The following KSR2 variants were observed in gnomAD, a reference collection of about 807,000 sequenced individuals.
KSR2 encodes kinase suppressor of ras 2.
Under a neutral mutation model 107.8 loss-of-function variants are expected in KSR2, and 25 were observed. The ratio of observed to expected loss-of-function variants is 0.23; its 90% CI spans 0.17 to 0.32. KSR2 has a LOEUF of 0.32. Among genes scored for constraint, KSR2 ranks in the 10% least tolerant of loss-of-function variants. The pLI is 1.00. For synonymous variants in KSR2, 480 were observed against 507.0 expected (o/e 0.95, Z 0.71); for missense variants, 887 against 1,268.9 (o/e 0.70, Z 4.57).
At chr12:117,679,662 A>G (rs2136529950) in intron 4 of KSR2, among the ~76,000 whole-genome samples, 1 of 152,328 alleles carries the variant, frequency 6.6e-6, no homozygotes, top group Non-Finnish European at 1.5e-5. Flanking sequence ...AGACTGGGTT[A>G]TCCATGCTGT....
chr12:117,861,502 C>A (rs940281193), intron 1 of KSR2, among the ~76,000 whole-genome samples: 5 of 150,666 alleles, frequency 3.3e-5, no homozygotes, highest in Non-Finnish European at 7.4e-5. Context: ...CATTCTCCTG[C>A]CTCAGCCTCC....
intron 16 of KSR2, among the ~76,000 whole-genome samples, chr12:117,478,985 T>G (rs1229307899): frequency 6.6e-6 from 1 of 152,214 alleles, no homozygotes; most frequent in Non-Finnish European, 1.5e-5. Flanking sequence ...CCACATCAAC[T>G]TGCAGATCAC....
intron 1 of KSR2, among the ~76,000 whole-genome samples, chr12:117,896,458 ATTTTT>A (rs1159176481): frequency 7.4e-6 from 1 of 135,652 alleles, no homozygotes. Flanking sequence ...TTCGCACAAC[ATTTTT>A]TTTTTTTTTT....
intron 5 of KSR2, among the ~76,000 whole-genome samples, chr12:117,597,457 G>A (rs1287531770): frequency 3.3e-5 from 5 of 152,188 alleles, no homozygotes; most frequent in Admixed American, 1.3e-4. Flanking sequence ...CCTTATGAAA[G>A]AGAGGCAAGA....
At chr12:117,916,797 T>G (rs908350857) in intron 1 of KSR2, among the ~76,000 whole-genome samples, 2 of 152,230 alleles carry the variant, frequency 1.3e-5, no homozygotes, top group African/African-American at 2.4e-5. Context: ...CATTCAAGTT[T>G]CAACGCACCA....
chr12:117,537,330 C>A (rs531652773), intron 10 of KSR2, among the ~76,000 whole-genome samples: 145 of 152,274 alleles, frequency 9.5e-4, no homozygotes, highest in African/African-American at 3.3e-3. Flanking sequence ...TTTCATTCTA[C>A]AATTCTGTCT....
At chr12:117,520,751 C>T (rs373709826) in intron 14 of KSR2, among the ~76,000 whole-genome samples, 5 of 152,214 alleles carry the variant, frequency 3.3e-5, no homozygotes, top group Admixed American at 6.5e-5. Context: ...AGCCCTCCAA[C>T]GGCTGCTCAC....
intron 3 of KSR2, among the ~76,000 whole-genome samples, chr12:117,823,651 A>C (rs1024945707): frequency 4.3e-4 from 65 of 152,234 alleles, no homozygotes; most frequent in African/African-American, 1.5e-3. Flanking sequence ...GGTAGGAGGA[A>C]GACCAGGAGA....
intron 14 of KSR2, among the ~76,000 whole-genome samples, chr12:117,517,127 C>A (rs1328216771): frequency 6.6e-6 from 1 of 152,136 alleles, no homozygotes; most frequent in African/African-American, 2.4e-5. Context: ...TGGTTTGGAT[C>A]CCCCCATACG....
chr12:117,630,292 C>A (rs1215061320), intron 5 of KSR2, among the ~76,000 whole-genome samples: 1 of 152,092 alleles, frequency 6.6e-6, no homozygotes, highest in East Asian at 1.9e-4. Context: ...ACAGCATGTG[C>A]AAAAGCCCTG....
chr12:117,876,072 G>A (rs976636760), intron 1 of KSR2, among the ~76,000 whole-genome samples: 5 of 152,136 alleles, frequency 3.3e-5, no homozygotes, highest in Admixed American at 2.6e-4. Context: ...GCACCTGCAG[G>A]ACCGGGTCCC....
intron 3 of KSR2, among the ~76,000 whole-genome samples, chr12:117,845,831 C>G (rs181557125): frequency 1.3e-5 from 2 of 151,942 alleles, no homozygotes; most frequent in East Asian, 3.9e-4. Flanking sequence ...CAGGCACACA[C>G]CACACCTAGC....
intron 3 of KSR2, among the ~76,000 whole-genome samples, chr12:117,771,000 AG>A (rs1391599586): frequency 6.6e-6 from 1 of 150,906 alleles, no homozygotes; most frequent in African/African-American, 2.4e-5. Flanking sequence ...AAAAAAAGAC[AG>A]TTATCAACAA....
At chr12:117,584,621 T>C (rs1565912708) in intron 5 of KSR2, among the ~76,000 whole-genome samples, 1 of 152,160 alleles carries the variant, frequency 6.6e-6, no homozygotes, top group East Asian at 1.9e-4. Flanking sequence ...TCCACATACA[T>C]TTTCCACCTC....
At chr12:117,738,075 C>A (rs1237243572) in intron 4 of KSR2, among the ~76,000 whole-genome samples, 1 of 152,088 alleles carries the variant, frequency 6.6e-6, no homozygotes, top group Non-Finnish European at 1.5e-5. Context: ...TGTTATTGGG[C>A]AGAAGACAAC....
chr12:117,531,789 C>G (rs1875654719), intron 10 of KSR2, 82 bp from the exon 11 acceptor site: 2 of 997,482 alleles, frequency 2.0e-6, no homozygotes, highest in Non-Finnish European at 3.0e-6. Flanking sequence ...TTACAGCCAC[C>G]ACATGGTCAT....
At chr12:117,549,719 T>A (rs1205510329) in intron 9 of KSR2, among the ~76,000 whole-genome samples, 1 of 152,154 alleles carries the variant, frequency 6.6e-6, no homozygotes, top group Non-Finnish European at 1.5e-5. Context: ...TACTTACTCA[T>A]CTTGGAATCT....
intron 3 of KSR2, among the ~76,000 whole-genome samples, chr12:117,763,368 T>C (rs899553810): frequency 1.3e-5 from 2 of 152,180 alleles, no homozygotes; most frequent in African/African-American, 4.8e-5. Flanking sequence ...TATTAACATT[T>C]TTCATTCATT....
chr12:117,679,669 C>T (rs1395310272), intron 4 of KSR2, among the ~76,000 whole-genome samples: 1 of 152,284 alleles, frequency 6.6e-6, no homozygotes, highest in East Asian at 1.9e-4. Flanking sequence ...GTTATCCATG[C>T]TGTCTTTTAG....
Sources: gnomAD v4.1 joint callset for allele counts (sites outside exome capture counted in the v4.1 genomes callset) on GRCh38, gnomAD v4.1.1 for gene constraint, MANE v1.5 for transcripts, NCBI Gene and HGNC (gene_info 2026-07-23, HGNC 2026-07-21) for gene names.